MEF2B: variants seen among roughly 807,000 people sequenced by gnomAD.
The protein encoded by MEF2B is myocyte-specific enhancer factor 2B.
A neutral mutation model predicts 32.2 loss-of-function variants in MEF2B; 15 were observed. The observed-to-expected ratio is 0.47, with a 90% CI of 0.31 to 0.72. The LOEUF is 0.72. MEF2B is among the 30% of genes least tolerant of loss of function. The pLI, the probability that MEF2B is intolerant of heterozygous loss-of-function variation, is 0.05. For missense variants in MEF2B, 441 were observed against 511.5 expected (o/e 0.86, Z 1.33); for synonymous variants, 205 against 225.6 (o/e 0.91, Z 0.82).
intron 1 of MEF2B, among the ~76,000 whole-genome samples, chr19:19,163,103 T>G (rs898728476): frequency 2.0e-5 from 3 of 152,202 alleles, no homozygotes; most frequent in Admixed American, 1.3e-4. Flanking sequence ...TGTCTCCATG[T>G]CCTCTAAAGA....
At chr19:19,152,880 G>A (rs1043459508) in intron 1 of MEF2B, among the ~76,000 whole-genome samples, 4 of 152,172 alleles carry the variant, frequency 2.6e-5, no homozygotes, top group Non-Finnish European at 5.9e-5. Context: ...GCCCTCTCTG[G>A]GCTGGGTCTC....
At chr19:19,161,847 A>C in intron 1 of MEF2B, among the ~76,000 whole-genome samples, 1 of 144,838 alleles carries the variant, frequency 6.9e-6, no homozygotes. Context: ...TCACTTTGTC[A>C]CCCAGGCTGG....
rs1376553706 is a variant in MEF2B, at chr19:19,145,718, G to C, written c.*79C>G. ...GTCACTGTTGGGTCTTCTCTGAAGA[G>C]GCCTGGAGGGAGGTGGGGTCCCCAC... On this transcript the variant is annotated 3_prime_UTR_variant, in exon 9 of 9. Transcript: ENST00000424583. This position sits in a 1 kb window ranked among gnomAD's most constrained non-coding sequence, Gnocchi z 4.6. The C allele has an allele frequency of 5.1e-6, 8 of 1,556,250 alleles. No homozygotes were observed. The highest frequency in any genetic ancestry group is 7.0e-6 in the Non-Finnish European group (8 of 1,150,200).
At chr19:19,150,656 G>T (rs1212581108) in intron 2 of MEF2B, 26 bp downstream of exon 2, 1 of 1,613,940 alleles carries the variant, frequency 6.2e-7, no homozygotes, top group Non-Finnish European at 8.5e-7. Flanking sequence ...GTCTTTCCCA[G>T]CCACTGTTCC....
chr19:19,150,523 C>G (rs76599203), intron 2 of MEF2B, among the ~76,000 whole-genome samples, 159 bp downstream of exon 2: 1 of 103,412 alleles, frequency 9.7e-6, no homozygotes, highest in African/African-American at 3.7e-5. Flanking sequence ...GACTTCATCT[C>G]AAAAAAAAAA....
chr19:19,156,119 T>C (rs563008112), intron 1 of MEF2B, among the ~76,000 whole-genome samples: 1 of 152,268 alleles, frequency 6.6e-6, no homozygotes, highest in African/African-American at 2.4e-5. Context: ...TTCCTACTCC[T>C]TTCATTGCAC....
At chr19:19,155,535 C>A (rs1331835354) in intron 1 of MEF2B, among the ~76,000 whole-genome samples, 2 of 152,188 alleles carry the variant, frequency 1.3e-5, no homozygotes, top group Non-Finnish European at 2.9e-5. Flanking sequence ...TGACCCCCTC[C>A]ACAACCCTAC....
At chr19:19,156,096 A>C (rs1311772236) in intron 1 of MEF2B, among the ~76,000 whole-genome samples, 4 of 152,170 alleles carry the variant, frequency 2.6e-5, no homozygotes, top group Non-Finnish European at 4.4e-5. Context: ...TTTGAAGCTA[A>C]GAGTCCAGTA....
chr19:19,163,987 G>T (rs554849441), intron 1 of MEF2B, among the ~76,000 whole-genome samples: 37 of 152,038 alleles, frequency 2.4e-4, no homozygotes, highest in African/African-American at 8.4e-4. Flanking sequence ...TTTTTCTTGA[G>T]ATGGGTTTCG....
chr19:19,153,568 C>T (rs1022016836), intron 1 of MEF2B, among the ~76,000 whole-genome samples: 7 of 151,876 alleles, frequency 4.6e-5, no homozygotes, highest in Non-Finnish European at 8.8e-5. Context: ...GTGATTCTCC[C>T]GTTTCAGCCT....
chr19:19,150,404 G>A (rs1282533721), intron 2 of MEF2B, among the ~76,000 whole-genome samples: 2 of 151,790 alleles, frequency 1.3e-5, no homozygotes, highest in South Asian at 2.1e-4. Context: ...GTGCGCACCC[G>A]TAATCCCAGC....
intron 1 of MEF2B, chr19:19,157,403 G>A (rs2060127513): frequency 6.6e-6 from 1 of 152,322 alleles, no homozygotes; most frequent in South Asian, 2.1e-4. Context: ...TCTATGATCA[G>A]TTATAGCACA....
intron 1 of MEF2B, among the ~76,000 whole-genome samples, chr19:19,165,058 G>A (rs1178188371): frequency 6.6e-6 from 1 of 152,202 alleles, no homozygotes; most frequent in Admixed American, 6.5e-5. Context: ...GGGACCCCGA[G>A]ATGGGGCTTT....
chr19:19,168,359 C>T (rs1384644088), intron 1 of MEF2B, among the ~76,000 whole-genome samples: 4 of 150,934 alleles, frequency 2.7e-5, no homozygotes, highest in African/African-American at 9.7e-5. Context: ...CCACAACCTC[C>T]GCCTCCTGGG....
chr19:19,160,407 C>G (rs940802099), intron 1 of MEF2B, among the ~76,000 whole-genome samples: 2 of 152,248 alleles, frequency 1.3e-5, no homozygotes, highest in Non-Finnish European at 1.5e-5. Context: ...CTTCCTCCCC[C>G]ATAAAATGGG....
chr19:19,150,187 G>GGAAA (rs1384491880), intron 2 of MEF2B, among the ~76,000 whole-genome samples: 8 of 125,618 alleles, frequency 6.4e-5, no homozygotes, highest in African/African-American at 2.4e-4. Flanking sequence ...AGGGAGGGAA[G>GGAAA]GAAGGAAGGA....
At chr19:19,164,593 C>A (rs2060192320) in intron 1 of MEF2B, among the ~76,000 whole-genome samples, 1 of 152,226 alleles carries the variant, frequency 6.6e-6, no homozygotes, top group East Asian at 1.9e-4. Context: ...GTGGGCAGAT[C>A]ACTTGAGGTC....
intron 1 of MEF2B, among the ~76,000 whole-genome samples, chr19:19,165,179 G>T (rs1378484175): frequency 1.3e-5 from 2 of 152,146 alleles, no homozygotes; most frequent in East Asian, 3.9e-4. Context: ...CCATCACCCA[G>T]TCTGATGGGG....
In MEF2B at chr19:19,146,739, C is replaced by T. The variant is rs747642609; in HGVS notation, c.675+3G>A. The stretch of plus-strand genomic sequence containing the variant: ...AGCCCTGCCACACCCTCCCCTCACT[C>T]ACGGAGGTGTTTAGTCCCCCTCGGG... On this transcript the variant is annotated splice_donor_region_variant and intron_variant, in intron 6 of 8. Transcript: ENST00000424583. 6.2e-7 allele frequency: 1 copy of T among 1,614,018 alleles called. No homozygotes were observed. The highest frequency in any genetic ancestry group is 8.5e-7 in the Non-Finnish European group (1 of 1,179,954).
Sources: allele counts gnomAD v4.1 joint callset (sites outside exome capture counted in the v4.1 genomes callset), GRCh38; gene constraint gnomAD v4.1.1; non-coding constraint Gnocchi (gnomAD v3.1); transcripts MANE v1.5; gene names NCBI Gene and HGNC (gene_info 2026-07-23, HGNC 2026-07-21).